NRXN3: variants seen among roughly 807,000 people sequenced by gnomAD.
NRXN3 encodes neurexin 3.
Under a neutral mutation model 137.6 loss-of-function variants are expected in NRXN3, and 32 were observed. The ratio of observed to expected loss-of-function variants is 0.23; its 90% CI spans 0.18 to 0.31. The LOEUF is 0.31. Ranked by LOEUF, NRXN3 falls within the 10% of genes least tolerant of loss-of-function variation. The probability of loss-of-function intolerance (pLI) is 1.00; values close to 1 mark genes in which losing one functional copy is unlikely to be tolerated. For synonymous variants in NRXN3, 798 were observed against 784.5 expected (o/e 1.02, Z -0.29); for missense variants, 1,574 against 2,062.5 (o/e 0.76, Z 4.59).
intron 15 of NRXN3, among the ~76,000 whole-genome samples, chr14:79,124,538 G>A (rs556298965): frequency 2.0e-5 from 3 of 152,236 alleles, no homozygotes; most frequent in African/African-American, 7.2e-5. Context: ...CAGCACAATC[G>A]GTGGTCATTT....
intron 4 of NRXN3, among the ~76,000 whole-genome samples, chr14:78,444,969 T>C (rs1181740665): frequency 7.9e-6 from 1 of 125,930 alleles, no homozygotes; most frequent in Non-Finnish European, 1.7e-5. Context: ...AGTAAGGGAG[T>C]AAGGCCACCC....
chr14:79,768,432 G>A (rs571479775), intron 19 of NRXN3, among the ~76,000 whole-genome samples: 185 of 152,258 alleles, frequency 1.2e-3, no homozygotes, highest in Middle Eastern at 3.4e-3. Flanking sequence ...ATCTGAGAAC[G>A]GGCAGACTGC....
intron 15 of NRXN3, among the ~76,000 whole-genome samples, chr14:79,319,413 C>A (rs913263511): frequency 6.6e-6 from 1 of 152,158 alleles, no homozygotes; most frequent in Admixed American, 6.5e-5. Flanking sequence ...TAGCTGTATC[C>A]TCAGGACAAG....
chr14:79,644,758 C>T (rs1299809269), intron 16 of NRXN3, among the ~76,000 whole-genome samples: 6 of 135,300 alleles, frequency 4.4e-5, no homozygotes, highest in African/African-American at 1.2e-4. Context: ...TGTAGTGCAC[C>T]TAATGATTCT....
chr14:79,376,039 TAA>T (rs1031320584), intron 15 of NRXN3, among the ~76,000 whole-genome samples: 68 of 140,410 alleles, frequency 4.8e-4, no homozygotes, highest in African/African-American at 1.3e-3. Context: ...TACTTATATA[TAA>T]GTGTATATGT....
intron 19 of NRXN3, among the ~76,000 whole-genome samples, chr14:79,753,603 G>A (rs1042554035): frequency 6.6e-6 from 1 of 150,396 alleles, no homozygotes; most frequent in African/African-American, 2.4e-5. Context: ...ATAGCATTAG[G>A]AAATATAACT....
chr14:79,835,194 A>T (rs183489733), intron 20 of NRXN3, among the ~76,000 whole-genome samples: 7 of 152,324 alleles, frequency 4.6e-5, no homozygotes, highest in African/African-American at 1.4e-4. Flanking sequence ...CTTAGCAGAA[A>T]AGAAAATACA....
chr14:78,179,000 C>T (rs2059529108), intron 1 of NRXN3, among the ~76,000 whole-genome samples: 1 of 152,166 alleles, frequency 6.6e-6, no homozygotes. Flanking sequence ...CTACCCCACA[C>T]CCACAGGGGA....
intron 15 of NRXN3, among the ~76,000 whole-genome samples, chr14:79,086,779 G>A (rs866956887): frequency 6.6e-6 from 1 of 152,118 alleles, no homozygotes; most frequent in Non-Finnish European, 1.5e-5. Flanking sequence ...TTGGACTTCC[G>A]TATGAAAAGT....
chr14:79,823,808 G>C (rs1019767433), intron 20 of NRXN3: 1 of 360,580 alleles, frequency 2.8e-6, no homozygotes, highest in African/African-American at 2.0e-5. Context: ...AAGGAAAGCT[G>C]CTGGAGGAAT....
At chr14:78,478,177 T>C (rs1258552758) in intron 4 of NRXN3, among the ~76,000 whole-genome samples, 1 of 152,204 alleles carries the variant, frequency 6.6e-6, no homozygotes, top group Non-Finnish European at 1.5e-5. Flanking sequence ...AGAAGTATGA[T>C]GTCTGTCCTT....
At chr14:79,317,181 G>C (rs578126945) in intron 15 of NRXN3, among the ~76,000 whole-genome samples, 1 of 152,220 alleles carries the variant, frequency 6.6e-6, no homozygotes, top group South Asian at 2.1e-4. Context: ...GCAGTGAGCT[G>C]AGATCGTGCC....
chr14:79,015,884 G>T (rs1337473640), intron 15 of NRXN3, among the ~76,000 whole-genome samples: 1 of 152,076 alleles, frequency 6.6e-6, no homozygotes, highest in Non-Finnish European at 1.5e-5. Context: ...CTCAAGATTT[G>T]TTGCTTATCT....
intron 15 of NRXN3, among the ~76,000 whole-genome samples, chr14:79,340,736 T>C (rs1229397379): frequency 6.6e-6 from 1 of 152,252 alleles, no homozygotes; most frequent in African/African-American, 2.4e-5. Context: ...AGTGCTGGGA[T>C]TACAGGCGTA....
At chr14:78,981,241 T>TA (rs1245178521) in intron 14 of NRXN3, among the ~76,000 whole-genome samples, 2 of 152,160 alleles carry the variant, frequency 1.3e-5, no homozygotes, top group Non-Finnish European at 2.9e-5. Context: ...GTTTTCCTTG[T>TA]AAAAAACAAA....
intron 4 of NRXN3, among the ~76,000 whole-genome samples, chr14:78,481,157 T>C (rs2095467368): frequency 6.6e-6 from 1 of 152,286 alleles, no homozygotes; most frequent in South Asian, 2.1e-4. Context: ...ATAAAATGAT[T>C]TTTAACTAAA....
At chr14:78,374,877 A>G (rs940157911) in intron 4 of NRXN3, among the ~76,000 whole-genome samples, 2 of 152,154 alleles carry the variant, frequency 1.3e-5, no homozygotes, top group African/African-American at 4.8e-5. Flanking sequence ...GACATGTTCT[A>G]TAATCACAAT....
intron 15 of NRXN3, among the ~76,000 whole-genome samples, chr14:79,271,471 C>A (rs2079307288): frequency 1.5e-5 from 2 of 133,644 alleles, no homozygotes; most frequent in Admixed American, 1.5e-4. Context: ...TCCCCTCCCA[C>A]CCCTTACCTT....
intron 19 of NRXN3, among the ~76,000 whole-genome samples, chr14:79,804,899 A>AC (rs1355406301): frequency 8.6e-5 from 13 of 151,758 alleles, no homozygotes; most frequent in Admixed American, 6.6e-4. Flanking sequence ...TCTACGGAAG[A>AC]CCCCCCTAAG....
Sources: gnomAD v4.1 joint callset for allele counts (sites outside exome capture counted in the v4.1 genomes callset) on GRCh38, gnomAD v4.1.1 for gene constraint, MANE v1.5 for transcripts, NCBI Gene and HGNC (gene_info 2026-07-23, HGNC 2026-07-21) for gene names.